The following MED12L variants were observed in gnomAD, a reference collection of about 807,000 sequenced individuals.
MED12L encodes mediator complex subunit 12L, also known as mediator of RNA polymerase II transcription subunit 12-like protein.
In MED12L, 60 loss-of-function variants were observed where a neutral mutation model predicts 281.3. The ratio of observed to expected loss-of-function variants is 0.21; its 90% confidence interval spans 0.17 to 0.26. The LOEUF (loss-of-function observed/expected upper bound fraction) is 0.26, where lower values mean the gene tolerates loss of function less well. MED12L is among the 10% of genes least tolerant of loss of function. The probability of loss-of-function intolerance (pLI) is 1.00; values close to 1 mark genes in which losing one functional copy is unlikely to be tolerated. For missense variants in MED12L, 2,146 were observed against 2,680.9 expected, an observed-to-expected ratio of 0.80 and a Z score of 4.41; for synonymous variants, 974 against 987.2, an observed-to-expected ratio of 0.99 and a Z score of 0.25.
At chr3:151,336,148 CAA>C (rs2149913640) in intron 16 of MED12L, among the ~76,000 whole-genome samples, 1 of 152,318 alleles carries the variant, frequency 6.6e-6, no homozygotes, top group South Asian at 2.1e-4. Context: ...TCTTCTACCT[CAA>C]ATATCCTGGT....
intron 16 of MED12L, chr3:151,278,248 A>G (rs952753666): frequency 6.6e-6 from 1 of 152,238 alleles, no homozygotes; most frequent in African/African-American, 2.4e-5. Flanking sequence ...CACCATTCAC[A>G]TACATGCAAG....
intron 16 of MED12L, among the ~76,000 whole-genome samples, chr3:151,201,787 G>A (rs1250140107): frequency 3.3e-5 from 5 of 152,152 alleles, no homozygotes; most frequent in African/African-American, 1.2e-4. Context: ...ACTAGTATTC[G>A]TGTGCATTGA....
chr3:151,384,137 A>G lies in MED12L; in HGVS notation c.4845A>G (p.Leu1615=), dbSNP rs778007102. ...DMLGVLINGT[L]ASDLSNASPG... is the part of the protein sequence containing the mutation. Reference sequence around the variant, plus strand: ...TGGGTGTTTTAATCAATGGAACGTTAGCCTCTGACCTATCAAATGCATCCC... The same window carrying G: ...TGGGTGTTTTAATCAATGGAACGTTGGCCTCTGACCTATCAAATGCATCCC... Residue 1615 remains leucine (L), a synonymous_variant, in exon 35 of 45, where the codon TTA becomes TTG. Coordinates refer to ENST00000687756, the MANE Select transcript of MED12L (RefSeq NM_001393769.1). The G allele has an allele frequency of 3.1e-6, 5 of 1,614,072 alleles. No individual in the cohort carries two copies. In the South Asian group the frequency reaches 4.4e-5, roughly 14 times the overall value.
At chr3:151,116,867 A>G (rs1301798714) in intron 3 of MED12L, among the ~76,000 whole-genome samples, 2 of 152,070 alleles carry the variant, frequency 1.3e-5, no homozygotes, top group Non-Finnish European at 2.9e-5. Flanking sequence ...TTGCCCTACT[A>G]TTGGCTATAG....
Position 151,185,365 on chromosome 3 carries a change from A to G in MED12L, c.1530A>G (p.Leu510=). 1.2e-6 allele frequency: 2 copies of G among 1,613,898 alleles called. No homozygotes were observed. The highest frequency in any genetic ancestry group is 1.7e-6 in the Non-Finnish European group (2 of 1,179,954). The stretch of plus-strand genomic sequence containing the variant: ...ACGATGAAGCTGTGGTGACGCTGTT[A>G]TGTGAATGGGCCGTGAGCTGCAAAC... The part of the protein sequence containing the change: ...APNDEAVVTL[L]CEWAVSCKRS... The change falls in exon 12 of 45, where the codon TTA becomes TTG. Residue 510 remains leucine, a synonymous_variant. Transcript: ENST00000687756.
At chr3:151,101,475 A>G (rs1263899098) in intron 2 of MED12L, among the ~76,000 whole-genome samples, 3 of 152,114 alleles carry the variant, frequency 2.0e-5, no homozygotes, top group East Asian at 1.9e-4. Flanking sequence ...TGCTGTAAAC[A>G]TTCTGCTCTA....
At chr3:151,328,721 C>CT (rs1220783891) in intron 16 of MED12L, 1 of 1,614,000 alleles carries the variant, frequency 6.2e-7, no homozygotes, top group South Asian at 1.1e-5. Context: ...CACAAAAGCT[C>CT]TGAGCTGCCA....
At chr3:151,270,363 T>G (rs1740707062) in intron 16 of MED12L, among the ~76,000 whole-genome samples, 1 of 152,046 alleles carries the variant, frequency 6.6e-6, no homozygotes, top group African/African-American at 2.4e-5. Flanking sequence ...CTCTACCCCT[T>G]TCTGTTCCAA....
chr3:151,244,152 C>G (rs1171709071), intron 16 of MED12L, among the ~76,000 whole-genome samples: 2 of 130,138 alleles, frequency 1.5e-5, no homozygotes, highest in Admixed American at 8.0e-5. Flanking sequence ...ACTTAGACTC[C>G]CACACATTAA....
chr3:151,329,406 A>T, intron 16 of MED12L: 1 of 904,710 alleles, frequency 1.1e-6, no homozygotes, highest in Non-Finnish European at 1.7e-6. Context: ...TATTAACTTT[A>T]AAGCACCTTT....
intron 16 of MED12L, chr3:151,269,488 A>G (rs954648218): frequency 3.6e-6 from 1 of 274,450 alleles, no homozygotes; most frequent in African/African-American, 2.3e-5. Context: ...TTGTGAAAGC[A>G]GAACAGAAGT....
intron 11 of MED12L, among the ~76,000 whole-genome samples, chr3:151,182,229 A>AT (rs1722787173): frequency 6.6e-6 from 1 of 152,166 alleles, no homozygotes; most frequent in Admixed American, 6.5e-5. Context: ...ACTTTTTAAA[A>AT]TTCGTTCAGA....
chr3:151,156,431 A>G (rs952685646), intron 6 of MED12L, 101 bp downstream of exon 6: 2 of 1,116,704 alleles, frequency 1.8e-6, no homozygotes, highest in Non-Finnish European at 2.5e-6. Context: ...TTTTACATGA[A>G]CCAATACATT....
chr3:151,111,249 C>A (rs1213573164), intron 2 of MED12L, among the ~76,000 whole-genome samples: 1 of 152,234 alleles, frequency 6.6e-6, no homozygotes, highest in Admixed American at 6.5e-5. Context: ...CGAACAATAG[C>A]AGCAATGCTA....
chr3:151,134,117 G>C (rs1168062883), intron 5 of MED12L, among the ~76,000 whole-genome samples: 1 of 151,986 alleles, frequency 6.6e-6, no homozygotes, highest in Non-Finnish European at 1.5e-5. Context: ...ATGTGTGCTG[G>C]GTAATGATCT....
chr3:151,299,779 G>A (rs1196861912), intron 16 of MED12L, among the ~76,000 whole-genome samples: 1 of 152,040 alleles, frequency 6.6e-6, no homozygotes, highest in Non-Finnish European at 1.5e-5. Flanking sequence ...CGTAATTTTA[G>A]TTTGTGTTTA....
At chr3:151,413,034 G>A in intron 41 of MED12L, 105 bp from the exon 42 acceptor site, 1 of 1,304,994 alleles carries the variant, frequency 7.7e-7, no homozygotes, top group East Asian at 2.3e-5. Flanking sequence ...AAGGATTATT[G>A]AGCACTGATT....
intron 39 of MED12L, among the ~76,000 whole-genome samples, chr3:151,402,246 A>T (rs1715780007): frequency 6.6e-6 from 1 of 152,230 alleles, no homozygotes; most frequent in Non-Finnish European, 1.5e-5. Context: ...TTAACATCTC[A>T]GTAATATATC....
At chr3:151,280,824 A>G (rs1241484261) in intron 16 of MED12L, among the ~76,000 whole-genome samples, 1 of 151,736 alleles carries the variant, frequency 6.6e-6, no homozygotes, top group East Asian at 1.9e-4. Flanking sequence ...TTCACAGCCA[A>G]AACACCTGGC....
Sources: gnomAD v4.1 joint callset for allele counts (sites outside exome capture counted in the v4.1 genomes callset) on GRCh38, gnomAD v4.1.1 for gene constraint, MANE v1.5 for transcripts, NCBI Gene and HGNC (gene_info 2026-07-23, HGNC 2026-07-21) for gene names.